The following RAI14 variants were observed in gnomAD, a reference collection of about 807,000 sequenced individuals.
RAI14 encodes the protein ankycorbin.
RAI14 carries 45 observed loss-of-function variants against 115.4 expected under a neutral mutation model. That is an observed-to-expected ratio of 0.39 (90% CI 0.31 to 0.50). The LOEUF (loss-of-function observed/expected upper bound fraction) is 0.50. Ranked by LOEUF, RAI14 falls within the 20% of genes least tolerant of loss-of-function variation. The pLI, the probability that RAI14 is intolerant of heterozygous loss-of-function variation, is 0.85. For synonymous variants in RAI14, 371 were observed against 415.4 expected, an observed-to-expected ratio of 0.89 and a Z score of 1.30; for missense variants, 939 against 1,131.2, an observed-to-expected ratio of 0.83 and a Z score of 2.44.
intron 2 of RAI14, among the ~76,000 whole-genome samples, chr5:34,751,094 G>A (rs527410571): frequency 4.7e-5 from 7 of 150,432 alleles, no homozygotes; most frequent in Non-Finnish European, 5.9e-5. Context: ...CAGGTGATCC[G>A]CCTGCCTTAG....
intron 1 of RAI14, among the ~76,000 whole-genome samples, chr5:34,676,332 G>A (rs960153527): frequency 2.0e-5 from 3 of 152,120 alleles, no homozygotes; most frequent in African/African-American, 4.8e-5. Flanking sequence ...TTAGACGGTG[G>A]TATTGTAATG....
intron 1 of RAI14, among the ~76,000 whole-genome samples, chr5:34,674,096 C>G (rs976851814): frequency 6.6e-6 from 1 of 152,024 alleles, no homozygotes; most frequent in East Asian, 1.9e-4. Context: ...CACCCCCTCT[C>G]TGTTGGACTG....
Position 34,825,835 on chromosome 5 carries a change from G to C in RAI14, c.2650-495G>C, listed in dbSNP as rs141130244. On this transcript the variant is annotated intron_variant, in intron 15 of 17. Transcript: ENST00000265109. The stretch of plus-strand genomic sequence containing the variant: ...TTCAAAAGAGCTTTATCATCCAGGG[G>C]AACAGGGATTAGGGAGTGGTGGGGT... Among the ~76,000 whole-genome samples the C allele has an allele frequency of 2.5e-3, 379 of 152,226 alleles. 1 individual carries two copies. Among genetic ancestry groups the C allele is most frequent in the African/African-American group, 7.5e-3 (313 of 41,530 alleles).
At chr5:34,815,561 G>C (rs139650189) in intron 12 of RAI14, among the ~76,000 whole-genome samples, 1 of 152,052 alleles carries the variant, frequency 6.6e-6, no homozygotes, top group Admixed American at 6.6e-5. Context: ...AGTGTCTTGT[G>C]GTGGGGAGCA....
At chr5:34,770,198 A>G (rs1174253167) in intron 3 of RAI14, among the ~76,000 whole-genome samples, 11 of 152,180 alleles carry the variant, frequency 7.2e-5, no homozygotes, top group Non-Finnish European at 1.3e-4. Context: ...GCTGGCCCGG[A>G]AACCATACTT....
At position 34,823,867 on chromosome 5, in the gene RAI14, T is replaced by G. The variant is rs1448014595; in HGVS notation, c.2025T>G (p.Tyr675Ter). Residue 675 changes from tyrosine (Y) to a stop codon, truncating the protein, a stop_gained, in exon 15 of 18, where the codon TAT becomes TAG. Coordinates refer to ENST00000265109, the MANE Select transcript of RAI14 (RefSeq NM_015577.3). LOFTEE classifies it high-confidence loss of function. The surrounding 1 kb of genome is among the most constrained non-coding windows in gnomAD (Gnocchi z 4.5). ...RKSLEDVTAE[Y>*]IHKAEHEKLM... ...CTCTAGAGGATGTCACAGCTGAATATATCCATAAAGCAGAGCATGAGAAAC... is the reference window on the plus strand; with the variant it reads ...CTCTAGAGGATGTCACAGCTGAATAGATCCATAAAGCAGAGCATGAGAAAC... 1 of 1,614,028 alleles carries G rather than the reference T, an allele frequency of 6.2e-7. No individual in the cohort carries two copies. The highest frequency in any genetic ancestry group is 1.3e-5 in the African/African-American group (1 of 74,916).
At chr5:34,757,703 C>T (rs745515302) in intron 3 of RAI14, 105 bp downstream of exon 3, 29 of 1,367,086 alleles carry the variant, frequency 2.1e-5, no homozygotes, top group Non-Finnish European at 2.8e-5. Flanking sequence ...TCCCTCTCCA[C>T]TCCCATGTTG....
At chr5:34,795,540 G>A (rs1299637654) in intron 3 of RAI14, among the ~76,000 whole-genome samples, 1 of 152,192 alleles carries the variant, frequency 6.6e-6, no homozygotes, top group East Asian at 1.9e-4. Flanking sequence ...TTAAAATGGT[G>A]AAACAGCTGT....
At chr5:34,707,429 C>A (rs1005122230) in intron 2 of RAI14, among the ~76,000 whole-genome samples, 20 of 152,226 alleles carry the variant, frequency 1.3e-4, no homozygotes, top group African/African-American at 4.8e-4. Flanking sequence ...GATCACGCTA[C>A]TGCACTCCAG....
chr5:34,717,081 G>A (rs1039105435), intron 2 of RAI14, among the ~76,000 whole-genome samples: 4 of 152,210 alleles, frequency 2.6e-5, no homozygotes, highest in African/African-American at 7.2e-5. Flanking sequence ...ATGTGTATGT[G>A]CGCATGTGTG....
At chr5:34,763,913 T>A (rs1749006135) in intron 3 of RAI14, among the ~76,000 whole-genome samples, 3 of 152,012 alleles carry the variant, frequency 2.0e-5, no homozygotes. Flanking sequence ...TACAGTGGAG[T>A]GGTTTCGGCT....
chr5:34,673,780 A>C (rs1271957280), intron 1 of RAI14, among the ~76,000 whole-genome samples: 1 of 152,034 alleles, frequency 6.6e-6, no homozygotes, highest in Non-Finnish European at 1.5e-5. Context: ...CCCCTCTCTC[A>C]AACCAGCTAG....
chr5:34,710,073 T>A, intron 2 of RAI14, among the ~76,000 whole-genome samples: 1 of 152,200 alleles, frequency 6.6e-6, no homozygotes, highest in East Asian at 1.9e-4. Context: ...AGGAAATACA[T>A]CCTCCGCTTT....
At chr5:34,810,623 T>C (rs1429028917) in intron 7 of RAI14, among the ~76,000 whole-genome samples, 11 of 152,146 alleles carry the variant, frequency 7.2e-5, no homozygotes, top group Non-Finnish European at 1.6e-4. Context: ...TACAGGGCAG[T>C]GGGATCTTCT....
chr5:34,789,085 G>A (rs1452450312), intron 3 of RAI14, among the ~76,000 whole-genome samples: 1 of 152,166 alleles, frequency 6.6e-6, no homozygotes, highest in Admixed American at 6.5e-5. Flanking sequence ...CAGCTATCCA[G>A]GACACAGGCC....
intron 14 of RAI14, among the ~76,000 whole-genome samples, 193 bp downstream of exon 14, chr5:34,822,043 G>A (rs1580366760): frequency 2.0e-5 from 3 of 149,564 alleles, no homozygotes; most frequent in East Asian, 3.9e-4. Context: ...TTATTCAACT[G>A]GTAAATTATA....
intron 3 of RAI14, among the ~76,000 whole-genome samples, chr5:34,767,618 A>ACCCCCACCC (rs1749586456): frequency 1.2e-4 from 5 of 41,132 alleles, no homozygotes; most frequent in South Asian, 1.2e-3. Flanking sequence ...CACCCCCACC[A>ACCCCCACCC]CCCCCCACCC....
chr5:34,768,055 A>C (rs2150123764), intron 3 of RAI14, among the ~76,000 whole-genome samples: 1 of 152,208 alleles, frequency 6.6e-6, no homozygotes, highest in African/African-American at 2.4e-5. Flanking sequence ...GTTCACCTGG[A>C]AAAGCTGTAG....
intron 2 of RAI14, among the ~76,000 whole-genome samples, chr5:34,720,555 C>T (rs1320879336): frequency 5.3e-5 from 8 of 151,824 alleles, no homozygotes; most frequent in South Asian, 4.2e-4. Flanking sequence ...GGACTATAGG[C>T]GCCCGCCACC....
Sources: allele counts gnomAD v4.1 joint callset (sites outside exome capture counted in the v4.1 genomes callset), GRCh38; gene constraint gnomAD v4.1.1; non-coding constraint Gnocchi (gnomAD v3.1); transcripts MANE v1.5; gene names NCBI Gene and HGNC (gene_info 2026-07-23, HGNC 2026-07-21).